The following STPG2 variants were observed in gnomAD, a reference collection of about 807,000 sequenced individuals.
STPG2 encodes sperm tail PG-rich repeat containing 2.
STPG2 carries 56 observed loss-of-function variants against 54.2 expected under a neutral mutation model. That is an observed-to-expected ratio of 1.03 (90% CI 0.83 to 1.29). The LOEUF (loss-of-function observed/expected upper bound fraction) is 1.29. Among genes scored for constraint, STPG2 ranks in the 50% most tolerant of loss-of-function variants. The pLI, the probability that STPG2 is intolerant of heterozygous loss-of-function variation, is 0.00. For synonymous variants in STPG2, 200 were observed against 181.8 expected (o/e 1.10, Z -0.81); for missense variants, 596 against 544.9 (o/e 1.09, Z -0.93).
At chr4:97,914,709 T>C (rs950379481) in intron 8 of STPG2, among the ~76,000 whole-genome samples, 12 of 152,318 alleles carry the variant, frequency 7.9e-5, no homozygotes, top group South Asian at 2.1e-4. Context: ...TTTGGAATAC[T>C]CGCATTATGC....
At chr4:97,855,762 T>C (rs1729315621) in intron 8 of STPG2, among the ~76,000 whole-genome samples, 2 of 152,180 alleles carry the variant, frequency 1.3e-5, no homozygotes, top group Non-Finnish European at 2.9e-5. Flanking sequence ...CTAAATGGTA[T>C]TGCCTAAATT....
chr4:97,779,368 G>A (rs1006212332), intron 9 of STPG2, among the ~76,000 whole-genome samples: 3 of 152,106 alleles, frequency 2.0e-5, no homozygotes, highest in Non-Finnish European at 4.4e-5. Flanking sequence ...GAAGTGAGAA[G>A]AGAAGTTTAG....
chr4:97,942,573 G>A (rs1733030566), intron 8 of STPG2, among the ~76,000 whole-genome samples: 1 of 151,704 alleles, frequency 6.6e-6, no homozygotes, highest in South Asian at 2.1e-4. Flanking sequence ...TTCCAATAAT[G>A]CCTCAGAAAA....
At chr4:97,754,751 CA>C (rs904637394) in intron 9 of STPG2, among the ~76,000 whole-genome samples, 1 of 151,996 alleles carries the variant, frequency 6.6e-6, no homozygotes, top group Non-Finnish European at 1.5e-5. Context: ...CCTATCTTGT[CA>C]AAAAAATTGA....
intron 9 of STPG2, among the ~76,000 whole-genome samples, chr4:97,784,135 C>G (rs1268407794): frequency 6.7e-6 from 1 of 149,604 alleles, no homozygotes; most frequent in Non-Finnish European, 1.5e-5. Context: ...AATAAAAACA[C>G]TCAGCCTAGG....
At chr4:97,982,042 G>A (rs2149263719) in intron 5 of STPG2, among the ~76,000 whole-genome samples, 1 of 151,626 alleles carries the variant, frequency 6.6e-6, no homozygotes, top group African/African-American at 2.4e-5. Context: ...CCGCCACCAT[G>A]CCCAGCTATT....
intron 9 of STPG2, among the ~76,000 whole-genome samples, chr4:97,796,066 ATTTG>A (rs2149084733): frequency 6.6e-6 from 1 of 152,044 alleles, no homozygotes; most frequent in South Asian, 2.1e-4. Context: ...TTTCTTGTAA[ATTTG>A]TTTGAGTTCT....
chr4:98,128,623 C>G, intron 2 of STPG2, 31 bp from the exon 3 acceptor site: 1 of 1,495,450 alleles, frequency 6.7e-7, no homozygotes, highest in South Asian at 1.4e-5. Context: ...ATTATTTATT[C>G]CAAGGCAAGA....
chr4:97,550,141 A>G (rs1051667562), intron 4 of STPG2, among the ~76,000 whole-genome samples: 1 of 152,152 alleles, frequency 6.6e-6, no homozygotes, highest in African/African-American at 2.4e-5. Flanking sequence ...ATCTTGCTTT[A>G]TCTCCCTTCT....
chr4:97,547,580 G>A (rs1731862116), intron 4 of STPG2, among the ~76,000 whole-genome samples: 1 of 152,152 alleles, frequency 6.6e-6, no homozygotes. Context: ...TGCCTGCAAC[G>A]TGAAACATAG....
chr4:98,090,781 A>T (rs1000334713), intron 5 of STPG2, among the ~76,000 whole-genome samples: 2 of 151,810 alleles, frequency 1.3e-5, no homozygotes, highest in Non-Finnish European at 2.9e-5. Context: ...CCCTTCCTCC[A>T]CTTACCACTA....
At chr4:98,103,794 C>G (rs1224344423) in intron 5 of STPG2, among the ~76,000 whole-genome samples, 2 of 152,120 alleles carry the variant, frequency 1.3e-5, no homozygotes, top group Non-Finnish European at 2.9e-5. Flanking sequence ...ATGCCTCACT[C>G]TCAAAATCTG....
In STPG2 at chr4:97,558,924, G is replaced by A; in HGVS notation, c.*134C>T. Reference sequence around the variant, plus strand: ...GTGGTTGTGTCATATAGTCACTAAAGCCTGAGCGAATGCCTGAACAAGTGA... The same window carrying A: ...GTGGTTGTGTCATATAGTCACTAAAACCTGAGCGAATGCCTGAACAAGTGA... On this transcript the variant is annotated 3_prime_UTR_variant, in exon 11 of 11. Transcript: ENST00000295268. 1.4e-6 allele frequency: 1 copy of A among 727,436 alleles called. No homozygotes were observed. The highest frequency in any genetic ancestry group is 2.4e-6 in the Non-Finnish European group (1 of 422,112). 45.1% of individuals were successfully genotyped at this position (727,436 alleles called of 1,614,324 possible).
intron 9 of STPG2, among the ~76,000 whole-genome samples, chr4:97,800,495 C>T (rs947332493): frequency 6.6e-6 from 1 of 152,176 alleles, no homozygotes; most frequent in South Asian, 2.1e-4. Flanking sequence ...TGCAGAATAG[C>T]GAATATTGCT....
intron 9 of STPG2, among the ~76,000 whole-genome samples, chr4:97,716,433 G>C (rs1724290221): frequency 6.6e-6 from 1 of 152,048 alleles, no homozygotes. Context: ...CAATAGCAAA[G>C]ACTTGGAACC....
chr4:97,969,417 C>T (rs965303305), intron 7 of STPG2, among the ~76,000 whole-genome samples: 2 of 152,074 alleles, frequency 1.3e-5, no homozygotes, highest in Non-Finnish European at 2.9e-5. Context: ...ACTAACCTAC[C>T]CCTGCCCTCA....
intron 4 of STPG2, among the ~76,000 whole-genome samples, chr4:97,461,903 C>A (rs1729673661): frequency 6.6e-6 from 1 of 151,970 alleles, no homozygotes; most frequent in Admixed American, 6.6e-5. Flanking sequence ...CATGCCCTTC[C>A]ATTCATTTTA....
intron 8 of STPG2, among the ~76,000 whole-genome samples, chr4:97,887,177 T>C (rs1354846841): frequency 6.6e-6 from 1 of 152,136 alleles, no homozygotes; most frequent in African/African-American, 2.4e-5. Context: ...GGTATTAATA[T>C]AAAGATACCT....
intron 8 of STPG2, among the ~76,000 whole-genome samples, chr4:97,882,778 A>C (rs931797572): frequency 6.6e-6 from 1 of 152,106 alleles, no homozygotes; most frequent in Non-Finnish European, 1.5e-5. Flanking sequence ...CCTCCAAACC[A>C]ACTCAAATCC....
Sources: allele counts gnomAD v4.1 joint callset (sites outside exome capture counted in the v4.1 genomes callset), GRCh38; gene constraint gnomAD v4.1.1; transcripts MANE v1.5; gene names NCBI Gene and HGNC (gene_info 2026-07-23, HGNC 2026-07-21).